SRPK2: variants seen among roughly 807,000 people sequenced by gnomAD.
SRPK2 encodes the protein SRSF protein kinase 2, also known as SFRS protein kinase 2.
A neutral mutation model predicts 90.8 loss-of-function variants in SRPK2; 21 were observed. The ratio of observed to expected loss-of-function variants is 0.23; its 90% CI spans 0.16 to 0.33. The LOEUF (loss-of-function observed/expected upper bound fraction) is 0.33. SRPK2 is among the 10% of genes least tolerant of loss of function. The pLI is 1.00. For missense variants in SRPK2, 620 were observed against 869.0 expected (o/e 0.71, Z 3.60); for synonymous variants, 288 against 311.1 (o/e 0.93, Z 0.78).
intron 3 of SRPK2, among the ~76,000 whole-genome samples, chr7:105,172,309 G>T (rs570962719): frequency 1.3e-5 from 2 of 152,304 alleles, no homozygotes; most frequent in African/African-American, 2.4e-5. Flanking sequence ...TATGTTCCAT[G>T]AAACAAAAAT....
intron 3 of SRPK2, among the ~76,000 whole-genome samples, chr7:105,179,824 CAAAAAAAA>C (rs1185836588): frequency 4.5e-4 from 27 of 60,268 alleles, no homozygotes; most frequent in Admixed American, 1.3e-3. Flanking sequence ...GAGTCCATCT[CAAAAAAAA>C]AAAAAAAAAA....
At chr7:105,358,265 G>A (rs529617482) in intron 2 of SRPK2, among the ~76,000 whole-genome samples, 1 of 145,834 alleles carries the variant, frequency 6.9e-6, no homozygotes, top group African/African-American at 2.5e-5. Context: ...TACAACTTCT[G>A]ACTCCCCAAA....
At chr7:105,302,750 A>C (rs1810699501) in intron 2 of SRPK2, among the ~76,000 whole-genome samples, 1 of 152,178 alleles carries the variant, frequency 6.6e-6, no homozygotes. Context: ...AGAATATAAA[A>C]ACAAATCTGC....
chr7:105,178,830 G>C (rs752932956), intron 3 of SRPK2, among the ~76,000 whole-genome samples: 6 of 151,756 alleles, frequency 4.0e-5, no homozygotes, highest in African/African-American at 7.3e-5. Flanking sequence ...AAAAAAACAA[G>C]TAACAACAAA....
At chr7:105,377,421 G>A (rs996534606) in intron 2 of SRPK2, among the ~76,000 whole-genome samples, 4 of 152,076 alleles carry the variant, frequency 2.6e-5, no homozygotes, top group Admixed American at 1.3e-4. Flanking sequence ...GGCTGGGCGC[G>A]GTGGCTCATG....
chr7:105,318,546 G>A (rs185563622), intron 2 of SRPK2, among the ~76,000 whole-genome samples: 1 of 152,292 alleles, frequency 6.6e-6, no homozygotes, highest in East Asian at 1.9e-4. Flanking sequence ...AGAGCAAAAT[G>A]TTTAAGAATC....
At chr7:105,205,865 T>C in intron 2 of SRPK2, 1 of 509,778 alleles carries the variant, frequency 2.0e-6, no homozygotes, top group Admixed American at 2.0e-5. Context: ...AGAAATACTT[T>C]GAAAGCTAGC....
intron 2 of SRPK2, among the ~76,000 whole-genome samples, chr7:105,289,100 CAAAAAAAAAA>C (rs57131530): frequency 2.3e-5 from 2 of 86,644 alleles, no homozygotes; most frequent in African/African-American, 4.5e-5. Flanking sequence ...ACTTAAAGCA[CAAAAAAAAAA>C]AAAAAAAAAA....
chr7:105,269,170 A>G, intron 2 of SRPK2: 1 of 835,278 alleles, frequency 1.2e-6, no homozygotes, highest in Non-Finnish European at 1.4e-6. Context: ...TTTTCAATTT[A>G]GCAAAATAAA....
intron 7 of SRPK2, among the ~76,000 whole-genome samples, chr7:105,150,006 C>G (rs1331546472): frequency 6.6e-6 from 1 of 151,860 alleles, no homozygotes; most frequent in Non-Finnish European, 1.5e-5. Context: ...ACAGAGGTTA[C>G]CAATTCAGGA....
At chr7:105,203,133 C>T (rs1795766281) in intron 3 of SRPK2, among the ~76,000 whole-genome samples, 1 of 152,100 alleles carries the variant, frequency 6.6e-6, no homozygotes, top group African/African-American at 2.4e-5. Flanking sequence ...GAACTACAGG[C>T]ACTTACCACC....
At chr7:105,379,102 A>G (rs1307859558) in intron 2 of SRPK2, among the ~76,000 whole-genome samples, 1 of 151,944 alleles carries the variant, frequency 6.6e-6, no homozygotes, top group Non-Finnish European at 1.5e-5. Flanking sequence ...GGTGGCAGTG[A>G]GCTATGATTG....
intron 7 of SRPK2, among the ~76,000 whole-genome samples, chr7:105,149,342 G>A (rs951956599): frequency 2.0e-5 from 3 of 152,182 alleles, no homozygotes; most frequent in South Asian, 2.1e-4. Context: ...TGGTGTACGT[G>A]CACGTCCAGT....
chr7:105,365,615 C>A (rs1239691128), intron 2 of SRPK2, among the ~76,000 whole-genome samples: 1 of 150,578 alleles, frequency 6.6e-6, no homozygotes, highest in African/African-American at 2.4e-5. Flanking sequence ...CTGGGCAACA[C>A]AGGGAGACTG....
intron 2 of SRPK2, among the ~76,000 whole-genome samples, chr7:105,300,049 A>T (rs2131227397): frequency 6.6e-6 from 1 of 152,216 alleles, no homozygotes. Context: ...ATTCAAATGT[A>T]CAAATTAATT....
chr7:105,140,353 C>T (rs1803528607), intron 11 of SRPK2, among the ~76,000 whole-genome samples: 1 of 152,160 alleles, frequency 6.6e-6, no homozygotes. Context: ...GTAATCCCAG[C>T]ACTTTGGGAG....
intron 2 of SRPK2, among the ~76,000 whole-genome samples, chr7:105,341,381 A>AG (rs869259287): frequency 8.7e-4 from 39 of 45,012 alleles, no homozygotes; most frequent in South Asian, 2.6e-3. Flanking sequence ...AAAAAAAAAA[A>AG]GGGGGAATGT....
At position 105,135,282 on chromosome 7, in the gene SRPK2, A is replaced by ACCACCC. The variant is rs1390736920; in HGVS notation, c.1544-2184_1544-2179dup. Reference sequence around the variant, plus strand: ...TTCAGGAAAAGAAGAATCGGAAGGGACCACCCCTTCCCCACCGAAGACACT... The same window carrying ACCACCC: ...TTCAGGAAAAGAAGAATCGGAAGGGACCACCCCCACCCCTTCCCCACCGAAGACACT... On this transcript the variant is annotated intron_variant, in intron 11 of 15. Coordinates refer to ENST00000393651, the MANE Select transcript of SRPK2 (RefSeq NM_182692.3). Among the ~76,000 whole-genome samples, 19 of 152,292 alleles carry ACCACCC rather than the reference A, an allele frequency of 1.2e-4. No individual in the cohort carries two copies. The East Asian group carries it at 3.5e-3, about 28-fold the overall frequency.
At chr7:105,203,422 TTCTC>T (rs1030953188) in intron 3 of SRPK2, among the ~76,000 whole-genome samples, 24 of 152,228 alleles carry the variant, frequency 1.6e-4, no homozygotes, top group African/African-American at 5.8e-4. Flanking sequence ...TGTCTTACAA[TTCTC>T]TCTCATATCA....
Sources: allele counts gnomAD v4.1 joint callset (sites outside exome capture counted in the v4.1 genomes callset), GRCh38; gene constraint gnomAD v4.1.1; transcripts MANE v1.5; gene names NCBI Gene and HGNC (gene_info 2026-07-23, HGNC 2026-07-21).